ARHGEF28: variants seen among roughly 807,000 people sequenced by gnomAD.
ARHGEF28 encodes Rho guanine nucleotide exchange factor 28, also known as 190 kDa guanine nucleotide exchange factor.
In ARHGEF28, 152 loss-of-function variants were observed where a neutral mutation model predicts 206.6. The ratio of observed to expected loss-of-function variants is 0.74; its 90% CI spans 0.64 to 0.84. ARHGEF28 has a LOEUF of 0.84. ARHGEF28 is among the 40% of genes least tolerant of loss of function. ARHGEF28 has a pLI of 0.00. For synonymous variants in ARHGEF28, 763 were observed against 776.4 expected (o/e 0.98, Z 0.29); for missense variants, 2,028 against 2,073.2 (o/e 0.98, Z 0.42).
At chr5:73,626,382 T>C (rs898245221) in intron 1 of ARHGEF28, 60 bp downstream of exon 1, 1 of 152,376 alleles carries the variant, frequency 6.6e-6, no homozygotes, top group East Asian at 1.9e-4. Flanking sequence ...CGGAAAAGTT[T>C]GTCCACCTGA....
chr5:73,775,252 T>C (rs1753477936), intron 5 of ARHGEF28, among the ~76,000 whole-genome samples: 1 of 152,252 alleles, frequency 6.6e-6, no homozygotes, highest in African/African-American at 2.4e-5. Context: ...GACGAGAAGA[T>C]ACGTGTTTTA....
chr5:73,719,389 CG>C (rs1355560441), intron 2 of ARHGEF28, among the ~76,000 whole-genome samples: 2 of 144,310 alleles, frequency 1.4e-5, no homozygotes, highest in Non-Finnish European at 3.0e-5. Context: ...TCAGCCTAGG[CG>C]ACAGAGGGAG....
At chr5:73,751,784 T>C (rs1005679549) in intron 3 of ARHGEF28, among the ~76,000 whole-genome samples, 1 of 152,194 alleles carries the variant, frequency 6.6e-6, no homozygotes. Flanking sequence ...GAACCTTGAA[T>C]TTCCCTGGTG....
At chr5:73,840,874 C>T (rs888621833) in intron 11 of ARHGEF28, 114 bp downstream of exon 11, 1 of 1,168,914 alleles carries the variant, frequency 8.6e-7, no homozygotes, top group African/African-American at 1.6e-5. Context: ...ATTTGCCCAT[C>T]AAAATGTCCC....
intron 35 of ARHGEF28, among the ~76,000 whole-genome samples, chr5:73,913,311 C>T (rs1046350471): frequency 6.0e-5 from 9 of 150,756 alleles, no homozygotes; most frequent in Non-Finnish European, 1.0e-4. Context: ...TACTGTTCAC[C>T]ACTGGAGTTT....
At chr5:73,739,289 T>C (rs543757722) in intron 2 of ARHGEF28, among the ~76,000 whole-genome samples, 1 of 152,336 alleles carries the variant, frequency 6.6e-6, no homozygotes. Flanking sequence ...TAAAATTTGG[T>C]AAATAATAAA....
chr5:73,642,243 T>G (rs375709524), intron 1 of ARHGEF28, among the ~76,000 whole-genome samples: 5 of 152,358 alleles, frequency 3.3e-5, no homozygotes, highest in African/African-American at 9.6e-5. Context: ...TGTTTATACT[T>G]GTCACCGTCT....
chr5:73,826,650 C>T lies in ARHGEF28; in HGVS notation c.1025-5688C>T, dbSNP rs1388373897. ...CAGTTGAAGAAGCCCTAGGCTGGGC[C>T]GTGTCATTAACTGTTTCCTGCTAGA... On this transcript the variant is annotated intron_variant, in intron 9 of 35. Coordinates refer to ENST00000513042, the MANE Select transcript of ARHGEF28 (RefSeq NM_001177693.2). Among the ~76,000 whole-genome samples the T allele has an allele frequency of 5.3e-5, 8 of 152,246 alleles. No homozygotes were observed. The East Asian group carries it at 7.7e-4, about 15-fold the overall frequency.
chr5:73,921,156 T>C (rs1384526650), intron 35 of ARHGEF28, among the ~76,000 whole-genome samples: 1 of 152,256 alleles, frequency 6.6e-6, no homozygotes, highest in Non-Finnish European at 1.5e-5. Flanking sequence ...TTCCCTGGCA[T>C]GGCCTTCTAG....
intron 7 of ARHGEF28, among the ~76,000 whole-genome samples, chr5:73,793,456 T>C (rs1164216299): frequency 1.3e-5 from 2 of 152,192 alleles, no homozygotes; most frequent in Non-Finnish European, 1.5e-5. Context: ...GATAAATTAA[T>C]AGGAGTGACA....
intron 14 of ARHGEF28, among the ~76,000 whole-genome samples, chr5:73,855,290 T>A (rs527975359): frequency 8.5e-5 from 13 of 152,344 alleles, no homozygotes; most frequent in Middle Eastern, 6.8e-3. Flanking sequence ...CTTCATAATC[T>A]GATAGTGGAT....
chr5:73,922,890 C>T (rs999042214), intron 35 of ARHGEF28, among the ~76,000 whole-genome samples: 1 of 152,130 alleles, frequency 6.6e-6, no homozygotes, highest in Non-Finnish European at 1.5e-5. Context: ...ATGTTAGACA[C>T]AAGTAGAGCA....
chr5:73,849,304 G>A (rs1758560363), intron 13 of ARHGEF28, among the ~76,000 whole-genome samples: 2 of 152,020 alleles, frequency 1.3e-5, no homozygotes, highest in Non-Finnish European at 2.9e-5. Flanking sequence ...ACAAATACAT[G>A]CACACCTCTC....
intron 13 of ARHGEF28, among the ~76,000 whole-genome samples, chr5:73,851,361 TC>T (rs566391687): frequency 3.0e-4 from 45 of 152,020 alleles, no homozygotes; most frequent in African/African-American, 9.2e-4. Context: ...TGTTCTGTCT[TC>T]CTTGTCACTT....
At chr5:73,936,186 C>G (rs923874525) in intron 35 of ARHGEF28, among the ~76,000 whole-genome samples, 2 of 152,154 alleles carry the variant, frequency 1.3e-5, no homozygotes, top group Non-Finnish European at 2.9e-5. Context: ...TGTCACAGAC[C>G]TATTCTTTAT....
intron 29 of ARHGEF28, among the ~76,000 whole-genome samples, chr5:73,895,363 A>G (rs1761903105): frequency 6.6e-6 from 1 of 152,124 alleles, no homozygotes; most frequent in African/African-American, 2.4e-5. Context: ...GAATTTTGAC[A>G]GGATTAGCGC....
At chr5:73,663,219 G>A (rs140276143) in intron 1 of ARHGEF28, among the ~76,000 whole-genome samples, 3,630 of 152,282 alleles carry the variant, frequency 0.024, 144 homozygotes, top group African/African-American at 0.082. Flanking sequence ...GCCTCCCAAA[G>A]TGCTGGGATT....
intron 10 of ARHGEF28, 41 bp downstream of exon 10, chr5:73,832,500 T>C (rs1757360701): frequency 1.9e-6 from 3 of 1,595,072 alleles, no homozygotes; most frequent in Non-Finnish European, 2.6e-6. Context: ...TCTACCTCTC[T>C]CCAAAACCTG....
chr5:73,762,480 A>AAAAAAAC (rs1561386262), intron 4 of ARHGEF28, among the ~76,000 whole-genome samples: 1 of 150,780 alleles, frequency 6.6e-6, no homozygotes, highest in African/African-American at 2.5e-5. Context: ...AAAAAACAAA[A>AAAAAAAC]CAACAACAAC....
Sources: allele counts gnomAD v4.1 joint callset (sites outside exome capture counted in the v4.1 genomes callset), GRCh38; gene constraint gnomAD v4.1.1; transcripts MANE v1.5; gene names NCBI Gene and HGNC (gene_info 2026-07-23, HGNC 2026-07-21).